Variants in GPC6 observed in about 807,000 individuals in gnomAD.
The protein encoded by GPC6 is glypican 6, also known as glypican-6.
Under a neutral mutation model 55.2 loss-of-function variants are expected in GPC6, and 14 were observed. The observed-to-expected ratio is 0.25, with a 90% confidence interval of 0.17 to 0.40. The LOEUF is 0.40. GPC6 is among the 10% of genes least tolerant of loss of function. The probability of loss-of-function intolerance (pLI) is 1.00; values close to 1 mark genes in which losing one functional copy is unlikely to be tolerated. For synonymous variants in GPC6, 278 were observed against 259.6 expected (o/e 1.07, Z -0.68); for missense variants, 641 against 708.5 (o/e 0.90, Z 1.08).
intron 3 of GPC6, among the ~76,000 whole-genome samples, chr13:93,928,042 T>C (rs980402535): frequency 6.6e-6 from 1 of 152,118 alleles, no homozygotes; most frequent in Non-Finnish European, 1.5e-5. Flanking sequence ...ATTTGGTTCC[T>C]TTATTGATTT....
intron 5 of GPC6, among the ~76,000 whole-genome samples, chr13:94,290,254 C>T (rs1474739879): frequency 1.3e-5 from 2 of 151,702 alleles, no homozygotes; most frequent in African/African-American, 4.8e-5. Context: ...AGACTCCCAT[C>T]TCTATAAAAA....
chr13:93,640,478 T>G (rs28425203), intron 2 of GPC6, among the ~76,000 whole-genome samples: 5,872 of 152,038 alleles, frequency 0.039, 351 homozygotes, highest in African/African-American at 0.13. Context: ...GAGATTCAAA[T>G]TTTAGTCTGT....
intron 2 of GPC6, among the ~76,000 whole-genome samples, chr13:93,594,524 A>C (rs1877640615): frequency 6.6e-6 from 1 of 152,064 alleles, no homozygotes; most frequent in South Asian, 2.1e-4. Flanking sequence ...CAAGATATTA[A>C]TCATCTGAAA....
chr13:93,756,387 C>G (rs1884770714), intron 2 of GPC6, among the ~76,000 whole-genome samples: 1 of 152,144 alleles, frequency 6.6e-6, no homozygotes. Flanking sequence ...GCAGTCTCTT[C>G]CCAAAGACAG....
intron 3 of GPC6, among the ~76,000 whole-genome samples, chr13:93,860,780 G>A (rs1057352110): frequency 1.3e-5 from 2 of 151,504 alleles, no homozygotes; most frequent in Non-Finnish European, 3.0e-5. Context: ...CTTTATAGCT[G>A]GCCAAATCTG....
chr13:93,462,376 G>C (rs1325493706), intron 1 of GPC6, among the ~76,000 whole-genome samples: 1 of 152,062 alleles, frequency 6.6e-6, no homozygotes, highest in South Asian at 2.1e-4. Context: ...ATTTTCTACC[G>C]ACATGACACT....
At chr13:94,099,094 T>A (rs1331348854) in intron 4 of GPC6, among the ~76,000 whole-genome samples, 2 of 152,134 alleles carry the variant, frequency 1.3e-5, no homozygotes, top group Admixed American at 1.3e-4. Context: ...CTCTTTCTTA[T>A]GATGAGGATA....
chr13:93,320,072 A>G (rs1171987494), intron 1 of GPC6, among the ~76,000 whole-genome samples: 4 of 152,126 alleles, frequency 2.6e-5, no homozygotes, highest in Non-Finnish European at 4.4e-5. Context: ...ATGTTGGAGA[A>G]TTTTGGAGTC....
At chr13:93,687,305 C>T (rs1436442725) in intron 2 of GPC6, among the ~76,000 whole-genome samples, 1 of 152,048 alleles carries the variant, frequency 6.6e-6, no homozygotes, top group African/African-American at 2.4e-5. Flanking sequence ...CAATATTAAT[C>T]TGGTTTATAT....
At chr13:93,630,646 A>G (rs1410803741) in intron 2 of GPC6, among the ~76,000 whole-genome samples, 1 of 152,190 alleles carries the variant, frequency 6.6e-6, no homozygotes, top group African/African-American at 2.4e-5. Context: ...GGTTTTGTCC[A>G]TATAATTAGA....
At chr13:93,911,105 T>A (rs1256877090) in intron 3 of GPC6, among the ~76,000 whole-genome samples, 1 of 152,182 alleles carries the variant, frequency 6.6e-6, no homozygotes, top group African/African-American at 2.4e-5. Context: ...ATGAAAGGTA[T>A]AAAGAAGTGG....
intron 2 of GPC6, among the ~76,000 whole-genome samples, chr13:93,774,982 A>G (rs1026532907): frequency 2.6e-5 from 4 of 152,154 alleles, no homozygotes; most frequent in African/African-American, 9.7e-5. Flanking sequence ...AGAAAAGGAC[A>G]TCCATGCAAA....
At chr13:93,462,646 A>C (rs537329838) in intron 1 of GPC6, among the ~76,000 whole-genome samples, 4 of 152,164 alleles carry the variant, frequency 2.6e-5, no homozygotes, top group Non-Finnish European at 4.4e-5. Flanking sequence ...TTGAAAAAAA[A>C]AACAACTAAG....
At chr13:93,472,148 G>A (rs1201223144) in intron 1 of GPC6, among the ~76,000 whole-genome samples, 3 of 152,112 alleles carry the variant, frequency 2.0e-5, no homozygotes, top group Admixed American at 6.5e-5. Flanking sequence ...CTGTGCAATC[G>A]AGATTTTTCC....
chr13:94,078,742 C>G (rs1174379093), intron 4 of GPC6, among the ~76,000 whole-genome samples: 2 of 151,878 alleles, frequency 1.3e-5, no homozygotes, highest in Admixed American at 1.3e-4. Context: ...ACAAGACTGA[C>G]ACAGTAATAA....
intron 1 of GPC6, among the ~76,000 whole-genome samples, chr13:93,413,141 A>G (rs1876574616): frequency 6.6e-6 from 1 of 152,186 alleles, no homozygotes; most frequent in African/African-American, 2.4e-5. Flanking sequence ...ATTTAGGAAA[A>G]AATATTTACA....
chr13:94,315,266 T>C (rs1294189627), intron 6 of GPC6, among the ~76,000 whole-genome samples: 1 of 152,254 alleles, frequency 6.6e-6, no homozygotes, highest in Non-Finnish European at 1.5e-5. Context: ...TTGATCCAGA[T>C]GGACCAGGCC....
At chr13:94,282,440 CA>C (rs1343886875) in intron 4 of GPC6, among the ~76,000 whole-genome samples, 1 of 152,162 alleles carries the variant, frequency 6.6e-6, no homozygotes, top group Non-Finnish European at 1.5e-5. Context: ...TAACTGCCCC[CA>C]TGATTCAATT....
chr13:94,315,994 G>T (rs988107367), intron 6 of GPC6, among the ~76,000 whole-genome samples: 66 of 152,266 alleles, frequency 4.3e-4, no homozygotes, highest in African/African-American at 1.5e-3. Flanking sequence ...TATCTTATGT[G>T]TGTCCCAAGA....
Sources: gnomAD v4.1 joint callset for allele counts (sites outside exome capture counted in the v4.1 genomes callset) on GRCh38, gnomAD v4.1.1 for gene constraint, MANE v1.5 for transcripts, NCBI Gene and HGNC (gene_info 2026-07-23, HGNC 2026-07-21) for gene names.